ITIH3: variants seen among roughly 807,000 people sequenced by gnomAD.
ITIH3 encodes inter-alpha-trypsin inhibitor heavy chain H3.
In ITIH3, 81 loss-of-function variants were observed where a neutral mutation model predicts 96.5. The observed-to-expected ratio is 0.84, with a 90% CI of 0.70 to 1.01. ITIH3 has a LOEUF of 1.01. ITIH3 is among the 50% of genes least tolerant of loss of function. The pLI, the probability that ITIH3 is intolerant of heterozygous loss-of-function variation, is 0.00. For synonymous variants in ITIH3, 422 were observed against 445.2 expected (o/e 0.95, Z 0.66); for missense variants, 1,057 against 1,139.3 (o/e 0.93, Z 1.04).
At chr3:52,796,339 A>T in intron 2 of ITIH3, 142 bp from the exon 3 acceptor site, 2 of 668,736 alleles carry the variant, frequency 3.0e-6, no homozygotes, top group Non-Finnish European at 5.2e-6. Context: ...CAAGTCTTCC[A>T]GTGTAGAAGA....
rs1578761596 is a variant in ITIH3, at chr3:52,805,565, T to G, written c.1874-243T>G. 4.5e-6 allele frequency: 6 copies of G among 1,336,592 alleles called. No individual in the cohort carries two copies. The East Asian group carries it at 1.8e-4, about 40-fold the overall frequency. The allele number at this position is 1,336,592 out of a possible 1,614,324, so 82.8% of individuals were successfully genotyped here. On this transcript the variant is annotated intron_variant, in intron 15 of 21. Transcript: ENST00000449956. ...GAGAAGATGACTTAATGGCTTGCAT[T>G]TCAGCCACATCAAAAAGCCCTGCGC...
chr3:52,800,305 TG>T (rs1411177107), intron 9 of ITIH3: 13 of 581,348 alleles, frequency 2.2e-5, no homozygotes, highest in Non-Finnish European at 3.3e-5. Context: ...ACAATCACCA[TG>T]TGCTTTTCGT....
intron 6 of ITIH3, 127 bp from the exon 7 acceptor site, chr3:52,798,839 T>C: frequency 8.4e-7 from 1 of 1,191,450 alleles, no homozygotes; most frequent in Non-Finnish European, 1.2e-6. Flanking sequence ...CAGCTCTTGC[T>C]AGCCTCTGCC....
In ITIH3 at chr3:52,799,008, T is replaced by C. The variant is rs1158777273; in HGVS notation, c.706T>C (p.Cys236Arg). Residue 236 changes from cysteine (C) to arginine (R), a missense_variant, in exon 7 of 22, where the codon TGC (cysteine) becomes CGC (arginine). By Grantham distance (180) the Cys-to-Arg change is radical (BLOSUM62 -3). Transcript: ENST00000449956. Reference sequence around the variant, plus strand: ...GCCCAGCTTAGACCAACAGCGTTCATGCCCAACCTGTACAGACTCCCTCCT... The same window carrying C: ...GCCCAGCTTAGACCAACAGCGTTCACGCCCAACCTGTACAGACTCCCTCCT... The part of the protein sequence containing the change: ...FKPSLDQQRS[C>R]PTCTDSLLNG... The C allele has an allele frequency of 6.2e-7, 1 of 1,613,664 alleles. No individual in the cohort carries two copies. Among genetic ancestry groups the C allele is most frequent in the Admixed American group, 1.7e-5 (1 of 59,958 alleles).
intron 1 of ITIH3, 66 bp downstream of exon 1, chr3:52,794,962 C>A: frequency 7.6e-7 from 1 of 1,313,076 alleles, no homozygotes; most frequent in Non-Finnish European, 1.1e-6. Context: ...TCATGCTGGG[C>A]AAGGCCTCTG....
At position 52,796,735 on chromosome 3, in the gene ITIH3, G is replaced by A. The variant is rs1312955768; in HGVS notation, c.282-4G>A. On this transcript the variant is annotated splice_polypyrimidine_tract_variant and splice_region_variant and intron_variant, in intron 3 of 21. Coordinates refer to ENST00000449956, the MANE Select transcript of ITIH3 (RefSeq NM_002217.4). ...TCCCTACCCCCAACTCTCTTTCCCT[G>A]CAGGACCATCGACGGTGTTACCTAC... The A allele has an allele frequency of 6.2e-7, 1 of 1,610,366 alleles. No homozygotes were observed. Among genetic ancestry groups the A allele is most frequent in the Non-Finnish European group, 8.5e-7 (1 of 1,178,210 alleles).
chr3:52,807,226 C>A (rs1245289049), intron 19 of ITIH3, 121 bp downstream of exon 19: 27 of 878,574 alleles, frequency 3.1e-5, no homozygotes, highest in Non-Finnish European at 4.2e-5. Flanking sequence ...AGATCAGAGA[C>A]CCCAGAATCC....
rs1384724522 is a variant in ITIH3 at position 52,808,275 on chromosome 3, G to C, written c.2543+54G>C. 7 of 1,424,130 alleles carry C rather than the reference G, an allele frequency of 4.9e-6. No homozygotes were observed. The African/African-American group carries it at 5.6e-5, about 11-fold the overall frequency. The allele number at this position is 1,424,130 out of a possible 1,614,324, so 88.2% of individuals were successfully genotyped here. On this transcript the variant is annotated intron_variant, in intron 21 of 21. Coordinates refer to ENST00000449956, the MANE Select transcript of ITIH3 (RefSeq NM_002217.4). ...TGCTCAGCAACGAGAGGAGGAAAGA[G>C]CACCTGCAGCCCAGGCACATTAGTC...
At chr3:52,805,342 C>T in intron 15 of ITIH3, 3 of 1,013,964 alleles carry the variant, frequency 3.0e-6, no homozygotes, top group South Asian at 4.2e-5. Flanking sequence ...ACATTCCCCT[C>T]AGAACAGCCC....
chr3:52,802,900 T>C (rs1699892146), intron 13 of ITIH3, 94 bp downstream of exon 13: 9 of 1,422,802 alleles, frequency 6.3e-6, no homozygotes, highest in Non-Finnish European at 8.7e-6. Flanking sequence ...CCTGCCCTCT[T>C]CTTGGGCCAG....
In ITIH3 at chr3:52,802,361, C is replaced by T; in HGVS notation, c.1411C>T (p.Leu471=). Reference sequence around the variant, plus strand: ...CTTCTATGAGGAGGTGGCCAACCCACTGCTGACGGGTGTGGAGATGGAGTA... The same window carrying T: ...CTTCTATGAGGAGGTGGCCAACCCATTGCTGACGGGTGTGGAGATGGAGTA... ...QGFYEEVANP[L]LTGVEMEYPE... Residue 471 remains leucine (L), a synonymous_variant, in exon 12 of 22, where the codon CTG becomes TTG. Transcript: ENST00000449956. 1 of 1,613,954 alleles carries T rather than the reference C, an allele frequency of 6.2e-7. No individual in the cohort carries two copies. Among genetic ancestry groups the T allele is most frequent in the East Asian group, 2.2e-5 (1 of 44,880 alleles).
At chr3:52,804,804 C>A (rs1297605064) in intron 15 of ITIH3, 70 bp downstream of exon 15, 4 of 1,532,430 alleles carry the variant, frequency 2.6e-6, no homozygotes, top group South Asian at 2.4e-5. Context: ...GGAGGCCTTT[C>A]CAAGCAAGAT....
Position 52,803,885 on chromosome 3 carries a change from C to A in ITIH3, c.1740C>A (p.Asn580Lys). 11 of 1,614,016 alleles carry A rather than the reference C, an allele frequency of 6.8e-6. No individual in the cohort carries two copies. The highest frequency in any genetic ancestry group is 9.3e-6 in the Non-Finnish European group (11 of 1,179,898). The change falls in exon 14 of 22, where the codon AAC (asparagine) becomes AAA (lysine). Residue 580 changes from asparagine (N) to lysine (K), a missense_variant. Physicochemically the swap from Asn to Lys is moderately conservative, Grantham distance 94 (BLOSUM62 0). Transcript: ENST00000449956. ...ACGCCCATGGCGAGGAGAAGGAGAA[C>A]CTCACGGCCCGGGCCCTGGACCTGT... ...RKNAHGEEKE[N>K]LTARALDLSL... is the part of the protein sequence containing the mutation.
intron 16 of ITIH3, 77 bp from the exon 17 acceptor site, chr3:52,806,026 T>G: frequency 6.5e-7 from 1 of 1,536,370 alleles, no homozygotes; most frequent in African/African-American, 1.4e-5. Context: ...GGGCATAAGC[T>G]GAACTCCTAT....
At position 52,794,885 on chromosome 3, in the gene ITIH3, C is replaced by T. The variant is rs376872714; in HGVS notation, c.82C>T (p.Arg28Trp). The T allele has an allele frequency of 3.8e-5, 62 of 1,613,586 alleles. No homozygotes were observed. The highest frequency in any genetic ancestry group is 6.7e-5 in the African/African-American group (5 of 74,930). Residue 28 changes from arginine (R) to tryptophan (W), a missense_variant, in exon 1 of 22, where the codon CGG (arginine) becomes TGG (tryptophan). Coordinates refer to ENST00000449956, the MANE Select transcript of ITIH3 (RefSeq NM_002217.4). ...AASGFPRSPF[R>W]LLGKRSLPEG... ...CTCTGGCTTCCCGAGAAGCCCCTTT[C>T]GGCTGCTTGGGGTGAGTCTGCCCCC...
chr3:52,803,723 G>C, intron 13 of ITIH3, 132 bp from the exon 14 acceptor site: 1 of 966,972 alleles, frequency 1.0e-6, no homozygotes, highest in Non-Finnish European at 1.5e-6. Context: ...GCCCAACTGG[G>C]CTGTACCCTG....
In ITIH3 at chr3:52,799,491, A is replaced by C. The variant is rs374812334; in HGVS notation, c.906+3A>C. ...TGGCTGGTCGGAAATTAGAGCAGGT[A>C]ATCAGCACCAGTGGCACAGCCAGGG... is the stretch of plus-strand genomic sequence containing the variant. On this transcript the variant is annotated splice_donor_region_variant and intron_variant, in intron 8 of 21. Transcript: ENST00000449956. 1 of 1,597,098 alleles carries C rather than the reference A, an allele frequency of 6.3e-7. No individual in the cohort carries two copies.
chr3:52,799,413 C>T lies in ITIH3; in HGVS notation c.831C>T (p.Gly277=), dbSNP rs757382598. 2 of 1,611,506 alleles carry T rather than the reference C, an allele frequency of 1.2e-6. No individual in the cohort carries two copies. The highest frequency in any genetic ancestry group is 1.7e-6 in the Non-Finnish European group (2 of 1,178,942). The change falls in exon 8 of 22, where the codon GGC becomes GGT. Residue 277 remains glycine (G), a synonymous_variant. Transcript: ENST00000449956. Reference sequence around the variant, plus strand: ...TCGTGCACTTCTTTGCACCTCAAGGCCTTCCAGTGGTGCCTAAGAACGTGG... The same window carrying T: ...TCGTGCACTTCTTTGCACCTCAAGGTCTTCCAGTGGTGCCTAAGAACGTGG... ...GYFVHFFAPQ[G]LPVVPKNVAF...
chr3:52,801,825 T>C (rs530220813), intron 11 of ITIH3, among the ~76,000 whole-genome samples: 23 of 152,322 alleles, frequency 1.5e-4, no homozygotes, highest in African/African-American at 5.5e-4. Context: ...TTATTCATTG[T>C]TTATTTGACC....
Sources: gnomAD v4.1 joint callset for allele counts (sites outside exome capture counted in the v4.1 genomes callset) on GRCh38, gnomAD v4.1.1 for gene constraint, MANE v1.5 for transcripts, NCBI Gene and HGNC (gene_info 2026-07-23, HGNC 2026-07-21) for gene names.